The following DLGAP4 variants were observed in gnomAD, a reference collection of about 807,000 sequenced individuals.
DLGAP4 encodes disks large-associated protein 4.
A neutral mutation model predicts 86.9 loss-of-function variants in DLGAP4; 18 were observed. The ratio of observed to expected loss-of-function variants is 0.21; its 90% CI spans 0.14 to 0.31. DLGAP4 has a LOEUF of 0.31. Ranked by LOEUF, DLGAP4 falls within the 10% of genes least tolerant of loss-of-function variation. The pLI is 1.00. For missense variants in DLGAP4, 1,085 were observed against 1,362.6 expected, an observed-to-expected ratio of 0.80 and a Z score of 3.21; for synonymous variants, 548 against 574.3, an observed-to-expected ratio of 0.95 and a Z score of 0.65.
At chr20:36,515,517 G>A (rs898794413) in intron 10 of DLGAP4, among the ~76,000 whole-genome samples, 19 of 152,000 alleles carry the variant, frequency 1.3e-4, no homozygotes, top group Non-Finnish European at 2.1e-4. Context: ...CCATTTTTAC[G>A]AGGTGACTTC....
intron 2 of DLGAP4, among the ~76,000 whole-genome samples, chr20:36,418,411 C>G (rs1391781915): frequency 6.6e-6 from 1 of 152,198 alleles, no homozygotes; most frequent in African/African-American, 2.4e-5. Flanking sequence ...CCGTGCCTGG[C>G]CCATTTGGGG....
At chr20:36,464,036 A>G (rs1451067309) in intron 7 of DLGAP4, among the ~76,000 whole-genome samples, 2 of 152,222 alleles carry the variant, frequency 1.3e-5, no homozygotes, top group African/African-American at 4.8e-5. Flanking sequence ...GACAATCTCT[A>G]ACATCCTTTG....
chr20:36,327,951 C>T (rs1439070459), intron 1 of DLGAP4, among the ~76,000 whole-genome samples: 1 of 150,536 alleles, frequency 6.6e-6, no homozygotes, highest in Non-Finnish European at 1.5e-5. Flanking sequence ...GTAATCCCAG[C>T]ACTTTGGGAG....
chr20:36,505,684 G>A (rs1210845480), intron 10 of DLGAP4, among the ~76,000 whole-genome samples: 2 of 152,134 alleles, frequency 1.3e-5, no homozygotes, highest in South Asian at 4.1e-4. Context: ...GCTGACAAGC[G>A]GGGAGGATCA....
At chr20:36,484,636 C>T (rs6022165) in intron 7 of DLGAP4, among the ~76,000 whole-genome samples, 5,972 of 152,336 alleles carry the variant, frequency 0.039, 398 homozygotes, top group African/African-American at 0.14. Context: ...TTCACCCAGC[C>T]GGAACTGAGA....
In DLGAP4 at chr20:36,497,019, C is replaced by T. The variant is rs148225621; in HGVS notation, c.1963C>T (p.His655Tyr). 7 of 1,611,058 alleles carry T rather than the reference C, an allele frequency of 4.3e-6. No individual in the cohort carries two copies. The South Asian group carries it at 4.4e-5, about 10-fold the overall frequency. Residue 655 changes from histidine to tyrosine, a missense_variant, in exon 8 of 13, where the codon CAC becomes TAC. His to Tyr is a moderately conservative substitution (Grantham distance 83). Coordinates refer to ENST00000339266, the MANE Select transcript of DLGAP4 (RefSeq NM_001365621.2). Reference sequence around the variant, plus strand: ...AGGGACGCTGACCAGCTCTGAGTCCCACCCCGAGGCCGCCCCCAAAAGGAA... The same window carrying T: ...AGGGACGCTGACCAGCTCTGAGTCCTACCCCGAGGCCGCCCCCAAAAGGAA... ...EQGTLTSSES[H>Y]PEAAPKRKLS...
At chr20:36,417,542 T>C (rs111889043) in intron 2 of DLGAP4, among the ~76,000 whole-genome samples, 1 of 151,826 alleles carries the variant, frequency 6.6e-6, no homozygotes, top group Admixed American at 6.6e-5. Flanking sequence ...CGGCTACACC[T>C]GGCCAAATTT....
In DLGAP4 at chr20:36,499,686, A is replaced by G. The variant is rs1269138649; in HGVS notation, c.2099+10A>G. 6.2e-7 allele frequency: 1 copy of G among 1,612,058 alleles called. No homozygotes were observed. Among genetic ancestry groups the G allele is most frequent in the Admixed American group, 1.7e-5 (1 of 59,736 alleles). ...TAGAGGACGACTGGCGGTAAGTCGG[A>G]CAGAGGTGGCGGCTGCTTCTCCCCT... On this transcript the variant is annotated intron_variant, in intron 9 of 12. Transcript: ENST00000339266.
At chr20:36,447,892 TC>T (rs1199557922) in intron 7 of DLGAP4, among the ~76,000 whole-genome samples, 1 of 3,074 alleles carries the variant, frequency 3.3e-4, no homozygotes, top group African/African-American at 7.9e-4. Flanking sequence ...CCAGGGCCTA[TC>T]AGGGGGGTGG....
At chr20:36,523,884 A>G (rs538354173) in intron 10 of DLGAP4, among the ~76,000 whole-genome samples, 1 of 152,250 alleles carries the variant, frequency 6.6e-6, no homozygotes, top group African/African-American at 2.4e-5. Flanking sequence ...GCTGGTCTTT[A>G]ACTCCTGACC....
In DLGAP4 at chr20:36,524,291, C is replaced by T. The variant is rs749515500; in HGVS notation, c.2554C>T (p.Leu852=). The T allele has an allele frequency of 8.1e-6, 13 of 1,613,944 alleles. No individual in the cohort carries two copies. Among genetic ancestry groups the T allele is most frequent in the Non-Finnish European group, 1.0e-5 (12 of 1,180,000 alleles). Residue 852 remains leucine, a synonymous_variant, in exon 11 of 13, where the codon CTG becomes TTG. Transcript: ENST00000339266. ...VLSAVGSAQL[L]MSQKFQQFRG... is the part of the protein sequence containing the mutation. ...CAGTGCTGTGGGCAGTGCCCAGCTACTGATGTCCCAGAAATTCCAGCAGTT... is the reference window on the plus strand; with the variant it reads ...CAGTGCTGTGGGCAGTGCCCAGCTATTGATGTCCCAGAAATTCCAGCAGTT...
chr20:36,318,290 TG>T (rs1416699833), intron 1 of DLGAP4, among the ~76,000 whole-genome samples: 3 of 152,082 alleles, frequency 2.0e-5, no homozygotes, highest in Non-Finnish European at 4.4e-5. Context: ...CAACATGCCC[TG>T]GGGCTCTAAG....
chr20:36,451,942 T>A (rs2033746854), intron 7 of DLGAP4, among the ~76,000 whole-genome samples: 1 of 151,612 alleles, frequency 6.6e-6, no homozygotes, highest in African/African-American at 2.4e-5. Flanking sequence ...GTATTTTTAG[T>A]AGAGACAGGG....
intron 10 of DLGAP4, among the ~76,000 whole-genome samples, chr20:36,510,014 G>A (rs890391583): frequency 2.0e-5 from 3 of 149,834 alleles, no homozygotes; most frequent in South Asian, 2.1e-4. Flanking sequence ...GCGCCACCAC[G>A]CCCCACTAAT....
chr20:36,382,422 C>T (rs1011197737), intron 2 of DLGAP4, among the ~76,000 whole-genome samples: 4 of 151,844 alleles, frequency 2.6e-5, no homozygotes, highest in Admixed American at 6.6e-5. Context: ...AGACTGAGTA[C>T]TGCTTTGTTT....
At chr20:36,484,753 G>A (rs1195737597) in intron 7 of DLGAP4, among the ~76,000 whole-genome samples, 1 of 152,262 alleles carries the variant, frequency 6.6e-6, no homozygotes, top group Non-Finnish European at 1.5e-5. Context: ...AGCAAGGGAG[G>A]GGGCTGGAGC....
chr20:36,436,884 T>A lies in DLGAP4; in HGVS notation c.1241+534T>A, dbSNP rs959357971. Among the ~76,000 whole-genome samples the A allele has an allele frequency of 3.3e-5, 5 of 151,340 alleles. No individual in the cohort carries two copies. The Middle Eastern group carries it at 0.014, about 423-fold the overall frequency. The stretch of plus-strand genomic sequence containing the variant: ...CGTGGAAGCCCCTCCCAGAGGCTTT[T>A]CTCCCCACTTCGGGTGAGTCCCGCC... On this transcript the variant is annotated intron_variant, in intron 4 of 12. Coordinates refer to ENST00000339266, the MANE Select transcript of DLGAP4 (RefSeq NM_001365621.2).
intron 1 of DLGAP4, among the ~76,000 whole-genome samples, chr20:36,360,823 G>C (rs1377395348): frequency 6.6e-6 from 1 of 151,944 alleles, no homozygotes. Flanking sequence ...TTGGGGTCTT[G>C]AGTGAATCAT....
In DLGAP4 at chr20:36,441,256, G is replaced by C. The variant is rs537993801; in HGVS notation, c.1356+1388G>C. 2.0e-5 allele frequency among the ~76,000 whole-genome samples: 3 copies of C among 152,122 alleles called. No homozygotes were observed. In the East Asian group the frequency reaches 5.8e-4, roughly 29 times the overall value. ...TCCCTTGCCCTGCTCCAGCCATGCC[G>C]GCCTCCTTTCTGCTCCTTATATACG... On this transcript the variant is annotated intron_variant, in intron 5 of 12. Transcript: ENST00000339266.
Sources: gnomAD v4.1 joint callset for allele counts (sites outside exome capture counted in the v4.1 genomes callset) on GRCh38, gnomAD v4.1.1 for gene constraint, MANE v1.5 for transcripts, NCBI Gene and HGNC (gene_info 2026-07-23, HGNC 2026-07-21) for gene names.